Variants in DNAH5 observed in about 807,000 individuals in gnomAD.
The protein encoded by DNAH5 is axonemal beta dynein heavy chain 5.
In DNAH5, 372 loss-of-function variants were observed where a neutral mutation model predicts 518.2. The ratio of observed to expected loss-of-function variants is 0.72; its 90% CI spans 0.66 to 0.78. The LOEUF (loss-of-function observed/expected upper bound fraction) is 0.78. Among genes scored for constraint, DNAH5 ranks in the 30% least tolerant of loss-of-function variants. The probability of loss-of-function intolerance (pLI) is 0.00; values close to 1 mark genes in which losing one functional copy is unlikely to be tolerated. For synonymous variants in DNAH5, 2,039 were observed against 2,025.9 expected (o/e 1.01, Z -0.17); for missense variants, 5,523 against 5,687.0 (o/e 0.97, Z 0.93).
intron 52 of DNAH5, among the ~76,000 whole-genome samples, chr5:13,785,333 G>T (rs559697218): frequency 1.9e-4 from 29 of 152,192 alleles, no homozygotes; most frequent in African/African-American, 7.0e-4. Flanking sequence ...GTGCAGCCCT[G>T]CTCCTAACAG....
At chr5:13,840,734 T>C (rs1008070159) in intron 34 of DNAH5, among the ~76,000 whole-genome samples, 172 bp downstream of exon 34, 1 of 152,218 alleles carries the variant, frequency 6.6e-6, no homozygotes, top group Non-Finnish European at 1.5e-5. Flanking sequence ...GAATATGACT[T>C]ACGTTCAGTT....
rs1358451870 is a variant in DNAH5, at chr5:13,929,639, C to T, written c.193-1461G>A. On this transcript the variant is annotated intron_variant, in intron 2 of 78. Transcript: ENST00000265104. Reference sequence around the variant, plus strand: ...GGACTCCCCAAGATTCAATTCCAGGCCAAGAATGCAGTGAAGGGCATGCTT... The same window carrying T: ...GGACTCCCCAAGATTCAATTCCAGGTCAAGAATGCAGTGAAGGGCATGCTT... Among the ~76,000 whole-genome samples the T allele has an allele frequency of 3.3e-5, 5 of 152,156 alleles. No homozygotes were observed. In the East Asian group the frequency reaches 9.6e-4, roughly 29 times the overall value.
In DNAH5 at chr5:13,902,135, C is replaced by T. The variant is rs145962029; in HGVS notation, c.1648G>A (p.Glu550Lys). 1.3e-4 allele frequency: 204 copies of T among 1,600,594 alleles called. No individual in the cohort carries two copies. The highest frequency in any genetic ancestry group is 5.8e-5 in the Non-Finnish European group (68 of 1,169,922). The change falls in exon 13 of 79, where the codon GAG becomes AAG. Residue 550 changes from glutamate to lysine, a missense_variant. Coordinates refer to ENST00000265104, the MANE Select transcript of DNAH5 (RefSeq NM_001369.3). The part of the protein sequence containing the change: ...FCKQTNDLHN[E>K]LRKFMDVTFA... ...GTAACATCCATGAACTTCCGCAACT[C>T]GTTCTAAAACAGAATAAAATCTGAT...
intron 21 of DNAH5, among the ~76,000 whole-genome samples, chr5:13,879,807 G>A (rs1771400368): frequency 6.6e-6 from 1 of 152,050 alleles, no homozygotes; most frequent in South Asian, 2.1e-4. Flanking sequence ...TATCTTAACA[G>A]ACTTATGGGA....
At chr5:14,006,477 GCT>G (rs1379777243) in intron 1 of DNAH5, among the ~76,000 whole-genome samples, 1 of 152,094 alleles carries the variant, frequency 6.6e-6, no homozygotes, top group Non-Finnish European at 1.5e-5. Context: ...CTTGCAGATG[GCT>G]GCCTTCTCAC....
chr5:13,788,752 A>G lies in DNAH5; in HGVS notation c.8611T>C (p.Phe2871Leu), dbSNP rs138494768. 114 of 1,613,988 alleles carry G rather than the reference A, an allele frequency of 7.1e-5. No individual in the cohort carries two copies. The highest frequency in any genetic ancestry group is 4.4e-4 in the South Asian group (40 of 91,084). ...GGTGCATCTCTCAAGAAATCCACAA[A>G]ATATGTGTCAATTCCACAATCCACC... is the stretch of plus-strand genomic sequence containing the variant. ...LLVDCGIDTY[F>L]VDFLRDAPEA... Residue 2871 changes from phenylalanine (F) to leucine (L), a missense_variant, in exon 51 of 79, where the codon TTT (phenylalanine) becomes CTT (leucine). This residue lies in a region of DNAH5 where 5,121 missense variants were observed against 5,223.3 expected (regional missense o/e 0.98). Transcript: ENST00000265104.
intron 76 of DNAH5, among the ~76,000 whole-genome samples, chr5:13,702,773 A>G (rs143560487): frequency 6.6e-6 from 1 of 152,176 alleles, no homozygotes; most frequent in Non-Finnish European, 1.5e-5. Context: ...AGAAGACAAG[A>G]AGCAGCAGTC....
At chr5:13,880,791 A>G (rs1188637374) in intron 21 of DNAH5, among the ~76,000 whole-genome samples, 1 of 151,994 alleles carries the variant, frequency 6.6e-6, no homozygotes, top group Non-Finnish European at 1.5e-5. Flanking sequence ...CAACCAGAAA[A>G]CAATTAACAA....
intron 65 of DNAH5, among the ~76,000 whole-genome samples, chr5:13,746,692 T>C (rs953671252): frequency 3.9e-5 from 6 of 152,128 alleles, no homozygotes; most frequent in Admixed American, 2.0e-4. Flanking sequence ...TTGATTCAGG[T>C]TGAGTTTCTC....
intron 1 of DNAH5, among the ~76,000 whole-genome samples, chr5:13,950,269 T>A (rs1780278409): frequency 6.6e-6 from 1 of 151,958 alleles, no homozygotes; most frequent in Non-Finnish European, 1.5e-5. Context: ...CAAATTTTGC[T>A]CCCCAAACCA....
Position 13,793,505 on chromosome 5 carries a change from T to C in DNAH5, c.8224+10A>G, listed in dbSNP as rs773766189. ...CTCACCCTCCCACCCCACATCCTCTTGATCTTTACCAAAGATCTTGTCCAC... is the reference window on the plus strand; with the variant it reads ...CTCACCCTCCCACCCCACATCCTCTCGATCTTTACCAAAGATCTTGTCCAC... On this transcript the variant is annotated intron_variant, in intron 49 of 78. Transcript: ENST00000265104. 5 of 1,608,230 alleles carry C rather than the reference T, an allele frequency of 3.1e-6. No individual in the cohort carries two copies. In the East Asian group the frequency reaches 8.9e-5, roughly 29 times the overall value.
rs534623551 is a variant in DNAH5 at position 13,740,092 on chromosome 5, T to G, written c.11212-2597A>C. ...CTTCTAGATGCTCTGGCCAAAACCT[T>G]TGAACCCTGCTTGGTCACTTTCTTC... On this transcript the variant is annotated intron_variant, in intron 65 of 78. Transcript: ENST00000265104. 3.9e-4 allele frequency among the ~76,000 whole-genome samples: 59 copies of G among 152,198 alleles called. No individual in the cohort carries two copies. In the South Asian group the frequency reaches 0.012, roughly 31 times the overall value.
rs12659785 is a variant in DNAH5, at chr5:13,922,557, T to C, written c.439-229A>G. Among the ~76,000 whole-genome samples, 50,182 of 151,484 alleles carry C rather than the reference T, an allele frequency of 0.33. 9,244 individuals are homozygous for C. Among genetic ancestry groups the C allele is most frequent in the East Asian group, 0.76 (3,897 of 5,122 alleles). ...GCCTGGGCAACATGGTGAAACCCCA[T>C]CTCTACTAAACATACAAAAATTAGG... On this transcript the variant is annotated intron_variant, in intron 4 of 78. Coordinates refer to ENST00000265104, the MANE Select transcript of DNAH5 (RefSeq NM_001369.3).
chr5:13,868,097 A>C (rs1769550325), intron 24 of DNAH5, 105 bp from the exon 25 acceptor site: 7 of 905,252 alleles, frequency 7.7e-6, no homozygotes, highest in Non-Finnish European at 1.2e-5. Context: ...ATAATAGTGA[A>C]ACTACCCTGA....
chr5:13,977,906 G>A (rs1782385918), intron 1 of DNAH5, among the ~76,000 whole-genome samples: 2 of 152,224 alleles, frequency 1.3e-5, no homozygotes, highest in African/African-American at 4.8e-5. Context: ...GGAGAATCAT[G>A]AGAGGGAGAG....
chr5:13,746,008 A>C (rs1327798470), intron 65 of DNAH5, among the ~76,000 whole-genome samples: 1 of 152,124 alleles, frequency 6.6e-6, no homozygotes, highest in Non-Finnish European at 1.5e-5. Context: ...TCTTAATACA[A>C]TTAACATAAT....
intron 12 of DNAH5, among the ~76,000 whole-genome samples, chr5:13,910,342 A>G (rs915997304): frequency 7.2e-5 from 11 of 152,188 alleles, no homozygotes; most frequent in Non-Finnish European, 1.3e-4. Context: ...CCCACTTTAT[A>G]GGATTATTAC....
rs1410842556 is a variant in DNAH5, at chr5:13,707,192, T to C, written c.13338+931A>G. 6.6e-6 allele frequency among the ~76,000 whole-genome samples: 1 copy of C among 152,132 alleles called. No homozygotes were observed. The highest frequency in any genetic ancestry group is 1.5e-5 in the Non-Finnish European group (1 of 68,012). ...GGACGACGTGGAATTTGCTCAGGCA[T>C]GGTCAGAGAAGAGTCCGGTCACTGG... is the stretch of plus-strand genomic sequence containing the variant. On this transcript the variant is annotated intron_variant, in intron 76 of 78. Coordinates refer to ENST00000265104, the MANE Select transcript of DNAH5 (RefSeq NM_001369.3). This position sits in a 1 kb window ranked among gnomAD's most constrained non-coding sequence, Gnocchi z 4.0.
chr5:13,855,487 C>A lies in DNAH5; in HGVS notation c.4950+3965G>T. Among the ~76,000 whole-genome samples the A allele has an allele frequency of 1.3e-5, 2 of 150,296 alleles. 1 individual carries two copies. Among genetic ancestry groups the A allele is most frequent in the Admixed American group, 1.3e-4 (2 of 15,074 alleles). ...CCTCCCAAAGTGCTGGGATTACAGG[C>A]GTGAGCCACCGCGCCCGGCCATAAA... On this transcript the variant is annotated intron_variant, in intron 30 of 78. Transcript: ENST00000265104.
Sources: allele counts gnomAD v4.1 joint callset (sites outside exome capture counted in the v4.1 genomes callset), GRCh38; gene constraint gnomAD v4.1.1; regional missense constraint gnomAD v4.1.1; non-coding constraint Gnocchi (gnomAD v3.1); transcripts MANE v1.5; gene names NCBI Gene and HGNC (gene_info 2026-07-23, HGNC 2026-07-21).